Variants in MTCL2 observed in about 807,000 individuals in gnomAD.
MTCL2 encodes the protein microtubule cross-linking factor 2.
chr20:36,785,423 TAAAC>T, the MTCL2 span: 1 of 985,202 alleles, frequency 1.0e-6, no homozygotes, highest in Non-Finnish European at 1.2e-6. Context: ...AAAATTCAAA[TAAAC>T]AATCTAGGCA....
the MTCL2 span, chr20:36,817,517 G>C: frequency 2.0e-6 from 3 of 1,496,244 alleles, no homozygotes; most frequent in Non-Finnish European, 2.7e-6. Flanking sequence ...AGGACTGAAA[G>C]CTCACAGAAT....
At chr20:36,786,179 C>G in the MTCL2 span, 1 of 1,034,230 alleles carries the variant, frequency 9.7e-7, no homozygotes, top group Non-Finnish European at 1.2e-6. Flanking sequence ...AGGCAAGGCT[C>G]TCTCTTAGGA....
At chr20:36,787,292 A>G in the MTCL2 span, among the ~76,000 whole-genome samples, 1 of 151,756 alleles carries the variant, frequency 6.6e-6, no homozygotes, top group Admixed American at 6.6e-5. Flanking sequence ...CAGTGGTACG[A>G]TCTTGACTCA....
chr20:36,810,139 G>A, the MTCL2 span: 1 of 1,564,828 alleles, frequency 6.4e-7, no homozygotes, highest in Non-Finnish European at 8.6e-7. Flanking sequence ...CAGATAATGA[G>A]GAGGGAGAGA....
At chr20:36,833,991 C>T in the MTCL2 span, among the ~76,000 whole-genome samples, 6 of 151,992 alleles carry the variant, frequency 3.9e-5, no homozygotes, top group African/African-American at 7.2e-5. Flanking sequence ...GGTGAAACCC[C>T]GTCTCTACTA....
chr20:36,811,825 C>A, the MTCL2 span, among the ~76,000 whole-genome samples: 3 of 152,054 alleles, frequency 2.0e-5, no homozygotes, highest in Non-Finnish European at 4.4e-5. Context: ...AGTTGTCTTC[C>A]AAGAGATGCT....
At chr20:36,807,483 T>C in the MTCL2 span, among the ~76,000 whole-genome samples, 1 of 152,200 alleles carries the variant, frequency 6.6e-6, no homozygotes, top group East Asian at 1.9e-4. Flanking sequence ...AAGATGAGTG[T>C]GACCAAGGTC....
the MTCL2 span, among the ~76,000 whole-genome samples, chr20:36,840,166 G>GTTTT: frequency 8.1e-6 from 1 of 122,918 alleles, no homozygotes; most frequent in African/African-American, 3.0e-5. Flanking sequence ...CCAGCCTGGT[G>GTTTT]TTTTTTTTTT....
the MTCL2 span, chr20:36,794,549 G>A: frequency 1.9e-6 from 3 of 1,614,050 alleles, no homozygotes; most frequent in Non-Finnish European, 2.5e-6. This position sits in a 1 kb window ranked among gnomAD's most constrained non-coding sequence, Gnocchi z 5.4. Context: ...AAGGTAAGGG[G>A]AACAGTCGAG....
the MTCL2 span, among the ~76,000 whole-genome samples, chr20:36,835,464 G>A: frequency 2.0e-5 from 3 of 152,160 alleles, no homozygotes; most frequent in Non-Finnish European, 2.9e-5. Flanking sequence ...GGCACCAAGC[G>A]GTAGGGGCAA....
chr20:36,795,913 C>T, the MTCL2 span, among the ~76,000 whole-genome samples: 2 of 152,224 alleles, frequency 1.3e-5, no homozygotes, highest in Non-Finnish European at 2.9e-5. Flanking sequence ...GTGCCCCAGC[C>T]TCCTTGTGGT....
chr20:36,777,522 AT>A, the MTCL2 span: 1 of 394,476 alleles, frequency 2.5e-6, no homozygotes, highest in Non-Finnish European at 4.5e-6. Flanking sequence ...AGTTATTCTC[AT>A]GTCTGAAATA....
the MTCL2 span, chr20:36,804,677 A>G: frequency 6.3e-7 from 1 of 1,588,244 alleles, no homozygotes; most frequent in Non-Finnish European, 8.6e-7. Flanking sequence ...CCCAGATCTG[A>G]CAGCTAAAGG....
chr20:36,786,304 G>A, the MTCL2 span: 1 of 1,297,290 alleles, frequency 7.7e-7, no homozygotes, highest in Non-Finnish European at 9.8e-7. Flanking sequence ...CCAGGGGCCA[G>A]CAGGAGACCC....
chr20:36,813,419 T>G, the MTCL2 span, among the ~76,000 whole-genome samples: 1 of 149,382 alleles, frequency 6.7e-6, no homozygotes. Flanking sequence ...ACATATCCAC[T>G]GTATAGTTGT....
the MTCL2 span, chr20:36,815,174 C>A: frequency 6.8e-6 from 11 of 1,612,600 alleles, no homozygotes; most frequent in Non-Finnish European, 9.3e-6. This position sits in a 1 kb window ranked among gnomAD's most constrained non-coding sequence, Gnocchi z 5.3. Context: ...CCTTAGAGAG[C>A]CCCTGGGAGC....
chr20:36,826,137 G>T, the MTCL2 span, among the ~76,000 whole-genome samples: 16 of 151,718 alleles, frequency 1.1e-4, no homozygotes, highest in Non-Finnish European at 4.4e-5. Context: ...CTCCTGAGTA[G>T]CTGGGACTAC....
chr20:36,793,458 G>A, the MTCL2 span: 1 of 1,551,220 alleles, frequency 6.4e-7, no homozygotes, highest in Non-Finnish European at 8.7e-7. The surrounding 1 kb of genome is among the most constrained non-coding windows in gnomAD (Gnocchi z 6.8). Context: ...GATGAGGTGG[G>A]GCTCGGTGCC....
At chr20:36,794,071 C>T in the MTCL2 span, 1 of 1,551,306 alleles carries the variant, frequency 6.4e-7, no homozygotes, top group Admixed American at 2.0e-5. This position sits in a 1 kb window ranked among gnomAD's most constrained non-coding sequence, Gnocchi z 5.4. Flanking sequence ...TGTTGCCTGA[C>T]ATCTCAAAGT....
Sources: gnomAD v4.1 joint callset for allele counts (sites outside exome capture counted in the v4.1 genomes callset) on GRCh38, gnomAD v4.1.1 for gene constraint, Gnocchi (gnomAD v3.1) non-coding constraint, MANE v1.5 for transcripts, NCBI Gene and HGNC (gene_info 2026-07-23, HGNC 2026-07-21) for gene names.